The following CALCR variants were observed in gnomAD, a reference collection of about 807,000 sequenced individuals.
The protein encoded by CALCR is calcitonin receptor.
Under a neutral mutation model 59.5 loss-of-function variants are expected in CALCR, and 47 were observed. The ratio of observed to expected loss-of-function variants is 0.79; its 90% CI spans 0.63 to 1.01. The LOEUF is 1.01. Among genes scored for constraint, CALCR ranks in the 50% least tolerant of loss-of-function variants. The pLI is 0.00. For missense variants in CALCR, 566 were observed against 597.1 expected (o/e 0.95, Z 0.54); for synonymous variants, 213 against 211.3 (o/e 1.01, Z -0.07).
At chr7:93,516,922 G>A (rs1234186496) in intron 2 of CALCR, among the ~76,000 whole-genome samples, 2 of 151,854 alleles carry the variant, frequency 1.3e-5, no homozygotes, top group Non-Finnish European at 2.9e-5. Context: ...AGTGTTGAAA[G>A]TGAAAAGAAA....
chr7:93,552,848 C>T (rs1469469445), intron 2 of CALCR, among the ~76,000 whole-genome samples: 1 of 152,220 alleles, frequency 6.6e-6, no homozygotes, highest in Non-Finnish European at 1.5e-5. Context: ...TAGCACTCCT[C>T]CCCGGTAAAA....
chr7:93,430,719 A>G (rs1799641224), intron 13 of CALCR, among the ~76,000 whole-genome samples: 1 of 152,130 alleles, frequency 6.6e-6, no homozygotes, highest in South Asian at 2.1e-4. Flanking sequence ...CATCAGTATC[A>G]CCTGGGAACT....
intron 2 of CALCR, among the ~76,000 whole-genome samples, chr7:93,554,795 T>C (rs1789552595): frequency 9.5e-6 from 1 of 105,714 alleles, no homozygotes; most frequent in Non-Finnish European, 1.7e-5. Context: ...ATATATATTA[T>C]ACGTACATGT....
intron 8 of CALCR, among the ~76,000 whole-genome samples, chr7:93,455,516 T>C (rs1033645286): frequency 1.3e-5 from 2 of 152,086 alleles, no homozygotes. Flanking sequence ...CAAGAAAAAT[T>C]CAGTATTTAA....
chr7:93,502,279 G>A (rs181965916), intron 2 of CALCR, among the ~76,000 whole-genome samples: 21 of 152,128 alleles, frequency 1.4e-4, no homozygotes, highest in African/African-American at 4.6e-4. Flanking sequence ...AGGAAATAAA[G>A]GTTCACAGAA....
At chr7:93,485,332 T>G (rs999818103) in intron 3 of CALCR, among the ~76,000 whole-genome samples, 2 of 151,688 alleles carry the variant, frequency 1.3e-5, no homozygotes, top group African/African-American at 4.8e-5. Context: ...GTGCATTTTT[T>G]TCAATATTTA....
intron 13 of CALCR, among the ~76,000 whole-genome samples, chr7:93,430,753 A>C (rs1456129576): frequency 6.6e-6 from 1 of 152,094 alleles, no homozygotes; most frequent in Non-Finnish European, 1.5e-5. Flanking sequence ...AAATTCTCAA[A>C]CCCCACCCCA....
intron 2 of CALCR, among the ~76,000 whole-genome samples, chr7:93,511,077 C>A (rs935718354): frequency 3.4e-5 from 5 of 145,138 alleles, no homozygotes; most frequent in African/African-American, 1.0e-4. Flanking sequence ...AACCCTCTCT[C>A]TCTTTCTCTC....
At chr7:93,432,796 G>T (rs569743542) in intron 13 of CALCR, among the ~76,000 whole-genome samples, 27 of 152,168 alleles carry the variant, frequency 1.8e-4, no homozygotes, top group African/African-American at 6.5e-4. Flanking sequence ...AATTTATTTT[G>T]CATGCCACCT....
intron 6 of CALCR, among the ~76,000 whole-genome samples, chr7:93,471,248 C>T (rs1446359214): frequency 6.6e-6 from 1 of 151,742 alleles, no homozygotes; most frequent in Admixed American, 6.6e-5. Context: ...ACATCATAAT[C>T]AACACTCATT....
chr7:93,474,405 A>G (rs1242257421), intron 5 of CALCR, among the ~76,000 whole-genome samples: 1 of 151,746 alleles, frequency 6.6e-6, no homozygotes, highest in African/African-American at 2.4e-5. Flanking sequence ...CAATATTTTA[A>G]TTTGGTACTG....
chr7:93,488,171 G>A (rs775854404), intron 2 of CALCR, among the ~76,000 whole-genome samples: 3 of 151,606 alleles, frequency 2.0e-5, no homozygotes, highest in Admixed American at 6.6e-5. Flanking sequence ...CTTCATAAGC[G>A]AAGAAGAAAT....
At chr7:93,561,655 T>A (rs1053829023) in intron 2 of CALCR, among the ~76,000 whole-genome samples, 1 of 152,208 alleles carries the variant, frequency 6.6e-6, no homozygotes, top group African/African-American at 2.4e-5. Flanking sequence ...ATTCTTTAAA[T>A]TGAACATACT....
chr7:93,461,799 T>G (rs759084980), intron 7 of CALCR, among the ~76,000 whole-genome samples: 15 of 152,176 alleles, frequency 9.9e-5, no homozygotes, highest in Non-Finnish European at 2.1e-4. Context: ...CATTTTTTGA[T>G]GCAATAGAGA....
chr7:93,480,822 G>A (rs1416298804), intron 3 of CALCR, among the ~76,000 whole-genome samples: 1 of 151,774 alleles, frequency 6.6e-6, no homozygotes, highest in African/African-American at 2.4e-5. Flanking sequence ...GCACAAGGGG[G>A]GGTCGAGAAG....
intron 2 of CALCR, among the ~76,000 whole-genome samples, chr7:93,554,872 T>G (rs1192211588): frequency 6.6e-6 from 1 of 151,042 alleles, no homozygotes; most frequent in Non-Finnish European, 1.5e-5. Flanking sequence ...GCTGAGAACC[T>G]TAATCATTCA....
chr7:93,569,267 T>C (rs1006472407), intron 2 of CALCR, among the ~76,000 whole-genome samples: 8 of 152,086 alleles, frequency 5.3e-5, no homozygotes, highest in Non-Finnish European at 1.0e-4. Flanking sequence ...TATTAACTCC[T>C]TCAAGGACCC....
chr7:93,573,209 T>A (rs1790044755), intron 2 of CALCR, among the ~76,000 whole-genome samples: 1 of 152,216 alleles, frequency 6.6e-6, no homozygotes, highest in Non-Finnish European at 1.5e-5. Context: ...AATTCCATAA[T>A]ACTAAAAGCA....
At chr7:93,460,791 A>T in intron 8 of CALCR, 30 bp downstream of exon 8, 1 of 1,543,622 alleles carries the variant, frequency 6.5e-7, no homozygotes, top group African/African-American at 1.4e-5. Context: ...CTTTAAAATA[A>T]AAGTAAAAAC....
Sources: allele counts gnomAD v4.1 joint callset (sites outside exome capture counted in the v4.1 genomes callset), GRCh38; gene constraint gnomAD v4.1.1; transcripts MANE v1.5; gene names NCBI Gene and HGNC (gene_info 2026-07-23, HGNC 2026-07-21).